The following ACOXL variants were observed in gnomAD, a reference collection of about 807,000 sequenced individuals.
ACOXL encodes the protein acyl-coenzyme A oxidase-like protein.
In ACOXL, 70 loss-of-function variants were observed where a neutral mutation model predicts 71.9. The ratio of observed to expected loss-of-function variants is 0.97; its 90% CI spans 0.80 to 1.19. ACOXL has a LOEUF of 1.19. Among genes scored for constraint, ACOXL ranks in the 50% most tolerant of loss-of-function variants. The pLI is 0.00. For synonymous variants in ACOXL, 253 were observed against 281.6 expected (o/e 0.90, Z 1.02); for missense variants, 703 against 736.3 (o/e 0.95, Z 0.52).
At chr2:110,784,885 A>C (rs1683766457) in intron 3 of ACOXL, 70 bp downstream of exon 3, 1 of 1,438,572 alleles carries the variant, frequency 7.0e-7, no homozygotes. Context: ...TGAAAACTAT[A>C]ACCCCGTGAG....
intron 2 of ACOXL, among the ~76,000 whole-genome samples, chr2:110,782,784 G>C (rs1312458906): frequency 6.6e-6 from 1 of 152,222 alleles, no homozygotes; most frequent in African/African-American, 2.4e-5. Context: ...GCTATGAATA[G>C]TTGGAAATTC....
At chr2:111,064,080 G>A (rs574005672) in intron 16 of ACOXL, among the ~76,000 whole-genome samples, 89 of 152,202 alleles carry the variant, frequency 5.8e-4, no homozygotes, top group Non-Finnish European at 1.1e-3. Flanking sequence ...TATCTGTGGG[G>A]GATTGATTTC....
At position 110,934,621 on chromosome 2, in the gene ACOXL, C is replaced by T. The variant is rs1387965678; in HGVS notation, c.1059+979C>T. Among the ~76,000 whole-genome samples the T allele has an allele frequency of 3.9e-5, 6 of 152,140 alleles. No individual in the cohort carries two copies. In the South Asian group the frequency reaches 6.2e-4, roughly 16 times the overall value. On this transcript the variant is annotated intron_variant, in intron 12 of 17. Coordinates refer to ENST00000439055, the MANE Select transcript of ACOXL (RefSeq NM_001142807.4). ...TCTGGAAAGCCGATTCCCTGCCATC[C>T]GTGTGGAGCTAACGGATGGCACAGA...
In ACOXL at chr2:110,846,641, GCACACACA is replaced by G. The variant is rs61028803; in HGVS notation, c.788+5263_788+5270del. 7.0e-3 allele frequency among the ~76,000 whole-genome samples: 971 copies of G among 138,030 alleles called. 10 individuals are homozygous for G. Among genetic ancestry groups the G allele is most frequent in the African/African-American group, 0.024 (897 of 37,168 alleles). 90.6% of individuals were successfully genotyped at this position (138,030 alleles called of 152,430 possible). On this transcript the variant is annotated intron_variant, in intron 10 of 17. Transcript: ENST00000439055. ...TGTGAGCATGCAAGTATGCATACAC[GCACACACA>G]CACACACACACACACACACACACAC... is the stretch of plus-strand genomic sequence containing the variant.
chr2:110,908,646 C>G lies in ACOXL; in HGVS notation c.789-143C>G. 4.5e-6 allele frequency: 3 copies of G among 670,230 alleles called. No homozygotes were observed. The African/African-American group carries it at 5.4e-5, about 12-fold the overall frequency. 41.5% of individuals were successfully genotyped at this position (670,230 alleles called of 1,614,324 possible). Reference sequence around the variant, plus strand: ...CCTCAGAAACTTAGGCTGTCTTGCCCTAACCACATTTTAGGAAATTCAGAT... The same window carrying G: ...CCTCAGAAACTTAGGCTGTCTTGCCGTAACCACATTTTAGGAAATTCAGAT... On this transcript the variant is annotated intron_variant, in intron 10 of 17. Transcript: ENST00000439055.
chr2:110,881,880 A>G (rs949643619), intron 10 of ACOXL, among the ~76,000 whole-genome samples: 3 of 145,438 alleles, frequency 2.1e-5, no homozygotes, highest in East Asian at 4.0e-4. Flanking sequence ...CCTTTACCTG[A>G]GGGACATTGG....
rs79854355 is a variant in ACOXL at position 110,836,858 on chromosome 2, C to T, written c.754-4513C>T. Among the ~76,000 whole-genome samples, 588 of 152,290 alleles carry T rather than the reference C, an allele frequency of 3.9e-3. 2 individuals carry two copies. Among genetic ancestry groups the T allele is most frequent in the Non-Finnish European group, 6.4e-3 (437 of 68,020 alleles). ...TATGCGTAGATTCAGATCTGCAGACCCGGGTATAAGCTTGGCAGCAGGCAG... is the reference window on the plus strand; with the variant it reads ...TATGCGTAGATTCAGATCTGCAGACTCGGGTATAAGCTTGGCAGCAGGCAG... On this transcript the variant is annotated intron_variant, in intron 9 of 17. Transcript: ENST00000439055.
chr2:111,091,869 A>C (rs1035354228), intron 16 of ACOXL, among the ~76,000 whole-genome samples: 13 of 152,220 alleles, frequency 8.5e-5, no homozygotes, highest in Non-Finnish European at 1.9e-4. Flanking sequence ...CAAGAAAGGA[A>C]TGAGGAGACC....
At chr2:110,866,278 G>A (rs1489325071) in intron 10 of ACOXL, among the ~76,000 whole-genome samples, 1 of 152,122 alleles carries the variant, frequency 6.6e-6, no homozygotes, top group African/African-American at 2.4e-5. Flanking sequence ...GGCAGAGGGC[G>A]GGAGAAGATC....
At chr2:111,084,293 AC>A (rs1213640445) in intron 16 of ACOXL, among the ~76,000 whole-genome samples, 3 of 151,682 alleles carry the variant, frequency 2.0e-5, no homozygotes, top group Non-Finnish European at 4.4e-5. Flanking sequence ...ACACACACAC[AC>A]ACACACACAC....
At chr2:110,865,826 C>T (rs1222616726) in intron 10 of ACOXL, among the ~76,000 whole-genome samples, 2 of 148,992 alleles carry the variant, frequency 1.3e-5, no homozygotes, top group Admixed American at 6.8e-5. Context: ...ATCCATTGTC[C>T]TACAACTTGT....
chr2:111,082,584 ATTAG>A (rs1366974774), intron 16 of ACOXL, among the ~76,000 whole-genome samples: 1 of 152,212 alleles, frequency 6.6e-6, no homozygotes, highest in Non-Finnish European at 1.5e-5. Flanking sequence ...GGGAGTGTAA[ATTAG>A]TTCAACCATT....
intron 3 of ACOXL, among the ~76,000 whole-genome samples, chr2:110,788,042 G>A (rs1311159667): frequency 6.6e-6 from 1 of 152,138 alleles, no homozygotes; most frequent in African/African-American, 2.4e-5. Flanking sequence ...CAATACTTGA[G>A]TATTAAATAA....
intron 9 of ACOXL, among the ~76,000 whole-genome samples, chr2:110,809,615 T>G (rs545900036): frequency 6.6e-5 from 10 of 152,270 alleles, no homozygotes; most frequent in African/African-American, 2.4e-4. Context: ...TGTGCATTGT[T>G]GGGTATGAGT....
intron 6 of ACOXL, 99 bp from the exon 7 acceptor site, chr2:110,798,915 C>A: frequency 7.6e-7 from 1 of 1,322,218 alleles, no homozygotes; most frequent in South Asian, 1.2e-5. Context: ...AGTTGTAGAA[C>A]TGAATGAGTT....
At chr2:111,033,841 C>T (rs902881502) in intron 15 of ACOXL, among the ~76,000 whole-genome samples, 1 of 152,120 alleles carries the variant, frequency 6.6e-6, no homozygotes, top group Admixed American at 6.5e-5. Flanking sequence ...TATGTACTGA[C>T]CACAGATATC....
At chr2:111,021,908 A>G (rs1291933326) in intron 14 of ACOXL, among the ~76,000 whole-genome samples, 2 of 152,140 alleles carry the variant, frequency 1.3e-5, no homozygotes, top group Non-Finnish European at 2.9e-5. Context: ...GGAATACAGA[A>G]AGGCAGAAAA....
chr2:110,804,653 A>G (rs1434790727), intron 8 of ACOXL, among the ~76,000 whole-genome samples: 6 of 152,232 alleles, frequency 3.9e-5, no homozygotes, highest in African/African-American at 1.4e-4. Flanking sequence ...TTCAACCATG[A>G]AAAGAAATGG....
chr2:110,845,287 A>C (rs939426139), intron 10 of ACOXL, among the ~76,000 whole-genome samples: 1 of 152,138 alleles, frequency 6.6e-6, no homozygotes. Flanking sequence ...CAAGAGGGGA[A>C]GGCTTCATGA....
Sources: gnomAD v4.1 joint callset for allele counts (sites outside exome capture counted in the v4.1 genomes callset) on GRCh38, gnomAD v4.1.1 for gene constraint, MANE v1.5 for transcripts, NCBI Gene and HGNC (gene_info 2026-07-23, HGNC 2026-07-21) for gene names.